Variants in RBMS3 observed in about 807,000 individuals in gnomAD.
The protein encoded by RBMS3 is RNA binding motif single stranded interacting protein 3.
Under a neutral mutation model 66.8 loss-of-function variants are expected in RBMS3, and 27 were observed. The ratio of observed to expected loss-of-function variants is 0.40; its 90% CI spans 0.30 to 0.56. RBMS3 has a LOEUF of 0.56. RBMS3 is among the 20% of genes least tolerant of loss of function. RBMS3 has a pLI of 0.40. For missense variants in RBMS3, 513 were observed against 549.5 expected, an observed-to-expected ratio of 0.93 and a Z score of 0.66; for synonymous variants, 188 against 183.0, an observed-to-expected ratio of 1.03 and a Z score of -0.22.
At chr3:29,442,439 C>T (rs1049284672) in intron 2 of RBMS3, among the ~76,000 whole-genome samples, 8 of 151,898 alleles carry the variant, frequency 5.3e-5, no homozygotes, top group African/African-American at 1.5e-4. Flanking sequence ...TGATATTTTT[C>T]CATATCTATC....
At chr3:29,557,448 G>T (rs1026201595) in intron 3 of RBMS3, among the ~76,000 whole-genome samples, 1 of 152,208 alleles carries the variant, frequency 6.6e-6, no homozygotes, top group African/African-American at 2.4e-5. Flanking sequence ...GCTCTGGCTG[G>T]AGGTCTAATT....
chr3:29,724,734 T>C (rs2053783178), intron 4 of RBMS3, among the ~76,000 whole-genome samples: 2 of 152,304 alleles, frequency 1.3e-5, no homozygotes, highest in Admixed American at 6.5e-5. Flanking sequence ...TTAAAAATAA[T>C]TTAGATTGTC....
chr3:29,446,099 T>C (rs1559367941), intron 2 of RBMS3, among the ~76,000 whole-genome samples: 1 of 152,196 alleles, frequency 6.6e-6, no homozygotes, highest in Non-Finnish European at 1.5e-5. Flanking sequence ...AAAATCATCC[T>C]ACTTAAGAAA....
At chr3:29,496,542 A>G (rs1008390690) in intron 3 of RBMS3, among the ~76,000 whole-genome samples, 5 of 152,076 alleles carry the variant, frequency 3.3e-5, no homozygotes, top group Admixed American at 1.3e-4. Flanking sequence ...GAAAATACCA[A>G]TTTTTCTTGT....
At chr3:29,352,081 T>C (rs539810280) in intron 1 of RBMS3, among the ~76,000 whole-genome samples, 88 of 152,050 alleles carry the variant, frequency 5.8e-4, no homozygotes, top group Non-Finnish European at 1.1e-3. Context: ...TTCTATTTTT[T>C]ACATTTGCTA....
intron 3 of RBMS3, among the ~76,000 whole-genome samples, chr3:29,505,812 T>A (rs2044162611): frequency 6.6e-6 from 1 of 151,772 alleles, no homozygotes; most frequent in Non-Finnish European, 1.5e-5. Flanking sequence ...TAAATTTAAT[T>A]TTAAGTATTT....
At position 29,828,081 on chromosome 3, in the gene RBMS3, A is replaced by T. The variant is rs75527258; in HGVS notation, c.638-40777A>T. 1.5e-3 allele frequency among the ~76,000 whole-genome samples: 229 copies of T among 149,832 alleles called. 1 individual carries two copies. The East Asian group carries it at 0.022, about 14-fold the overall frequency. Reference sequence around the variant, plus strand: ...GTGTGTGTGTATGTGTGTGTGTGTGAGAGAGAGAGAGAGACAGAGAGAATG... The same window carrying T: ...GTGTGTGTGTATGTGTGTGTGTGTGTGAGAGAGAGAGAGACAGAGAGAATG... On this transcript the variant is annotated intron_variant, in intron 6 of 14. Coordinates refer to ENST00000383767, the MANE Select transcript of RBMS3 (RefSeq NM_001003793.3).
chr3:29,344,193 G>A (rs1165000388), intron 1 of RBMS3, among the ~76,000 whole-genome samples: 1 of 151,718 alleles, frequency 6.6e-6, no homozygotes, highest in East Asian at 1.9e-4. Context: ...AAGAAACTAA[G>A]CTCCCTCATA....
intron 8 of RBMS3, among the ~76,000 whole-genome samples, chr3:29,885,639 C>T (rs2059852585): frequency 6.6e-6 from 1 of 151,644 alleles, no homozygotes; most frequent in African/African-American, 2.4e-5. Flanking sequence ...GAAATTTATA[C>T]AAAGGAAAAT....
At chr3:29,315,714 T>C (rs1201625046) in intron 1 of RBMS3, among the ~76,000 whole-genome samples, 1 of 151,774 alleles carries the variant, frequency 6.6e-6, no homozygotes, top group Admixed American at 6.6e-5. Context: ...AATACAATCA[T>C]GCTGCAGTGA....
At chr3:29,978,342 A>G (rs978372261) in intron 12 of RBMS3, among the ~76,000 whole-genome samples, 5 of 152,222 alleles carry the variant, frequency 3.3e-5, no homozygotes, top group African/African-American at 1.2e-4. Context: ...TTACCCAGAG[A>G]TAATAGTCTT....
At chr3:29,559,540 A>C (rs1009605940) in intron 3 of RBMS3, among the ~76,000 whole-genome samples, 3 of 131,760 alleles carry the variant, frequency 2.3e-5, no homozygotes, top group African/African-American at 8.9e-5. Context: ...AAAAAAAAAA[A>C]AAAAAAAAAA....
At chr3:29,686,305 A>C (rs1024502356) in intron 4 of RBMS3, among the ~76,000 whole-genome samples, 1 of 152,178 alleles carries the variant, frequency 6.6e-6, no homozygotes, top group African/African-American at 2.4e-5. Flanking sequence ...TTATTTTATT[A>C]GATCTTTTTA....
intron 8 of RBMS3, among the ~76,000 whole-genome samples, chr3:29,895,420 A>G (rs1322432543): frequency 6.6e-6 from 1 of 151,468 alleles, no homozygotes; most frequent in African/African-American, 2.4e-5. Flanking sequence ...CCTCGTGCTC[A>G]TTTGGAATCA....
intron 6 of RBMS3, among the ~76,000 whole-genome samples, chr3:29,774,124 T>C (rs781296235): frequency 3.3e-5 from 5 of 152,064 alleles, no homozygotes; most frequent in Non-Finnish European, 7.4e-5. Context: ...TTTTACAGTC[T>C]CATCTGTAAA....
At chr3:29,339,579 CTT>C (rs57824638) in intron 1 of RBMS3, among the ~76,000 whole-genome samples, 3 of 146,670 alleles carry the variant, frequency 2.0e-5, no homozygotes, top group Admixed American at 6.8e-5. Flanking sequence ...TAGACTTTAA[CTT>C]TTTTTTTTTT....
rs979483609 is a variant in RBMS3, at chr3:29,664,067, G to A, written c.400-75653G>A. 2.0e-5 allele frequency among the ~76,000 whole-genome samples: 3 copies of A among 152,012 alleles called. 1 individual carries two copies. The highest frequency in any genetic ancestry group is 4.4e-5 in the Non-Finnish European group (3 of 68,006). On this transcript the variant is annotated intron_variant, in intron 4 of 14. Coordinates refer to ENST00000383767, the MANE Select transcript of RBMS3 (RefSeq NM_001003793.3). ...CCCCTTGAAAATAGTAAAATTATCT[G>A]GTAATCACTTCTGATCATGAATTTC...
intron 3 of RBMS3, among the ~76,000 whole-genome samples, chr3:29,575,600 T>C (rs1324211294): frequency 1.3e-5 from 2 of 152,130 alleles, no homozygotes; most frequent in African/African-American, 2.4e-5. Context: ...TACACATAAC[T>C]CTTTCTCTAC....
chr3:29,337,076 G>C (rs928209796), intron 1 of RBMS3, among the ~76,000 whole-genome samples: 1 of 151,692 alleles, frequency 6.6e-6, no homozygotes. Flanking sequence ...CATATAATAT[G>C]GTTAATTATT....
Sources: allele counts gnomAD v4.1 joint callset (sites outside exome capture counted in the v4.1 genomes callset), GRCh38; gene constraint gnomAD v4.1.1; transcripts MANE v1.5; gene names NCBI Gene and HGNC (gene_info 2026-07-23, HGNC 2026-07-21).